OXR1: variants seen among roughly 807,000 people sequenced by gnomAD.
The protein encoded by OXR1 is oxidation resistance protein 1.
OXR1 carries 41 observed loss-of-function variants against 104.6 expected under a neutral mutation model. That is an observed-to-expected ratio of 0.39 (90% CI 0.31 to 0.51). The LOEUF (loss-of-function observed/expected upper bound fraction) is 0.51. Among genes scored for constraint, OXR1 ranks in the 20% least tolerant of loss-of-function variants. OXR1 has a pLI of 0.77. For synonymous variants in OXR1, 348 were observed against 348.4 expected (o/e 1.00, Z 0.01); for missense variants, 955 against 1,031.9 (o/e 0.93, Z 1.02).
At chr8:106,595,808 A>T (rs1282619614) in intron 3 of OXR1, among the ~76,000 whole-genome samples, 2 of 152,088 alleles carry the variant, frequency 1.3e-5, no homozygotes, top group Non-Finnish European at 2.9e-5. Context: ...AAATTCTCAA[A>T]ACTTGCTGAA....
chr8:106,677,967 G>A (rs1827771744), intron 3 of OXR1, among the ~76,000 whole-genome samples: 1 of 152,060 alleles, frequency 6.6e-6, no homozygotes, highest in South Asian at 2.1e-4. Context: ...CACTGAGGAG[G>A]CTTTGTGGAA....
At chr8:106,398,472 T>C (rs1817872564) in intron 2 of OXR1, among the ~76,000 whole-genome samples, 1 of 152,142 alleles carries the variant, frequency 6.6e-6, no homozygotes, top group South Asian at 2.1e-4. Flanking sequence ...AGTTGCCACA[T>C]GAGCATATTC....
intron 2 of OXR1, among the ~76,000 whole-genome samples, chr8:106,477,897 G>T (rs770993870): frequency 1.0e-3 from 158 of 151,752 alleles, no homozygotes; most frequent in Non-Finnish European, 1.5e-3. Context: ...GAAACTTAGG[G>T]CTCAATAAAT....
intron 2 of OXR1, among the ~76,000 whole-genome samples, chr8:106,379,537 C>CTT (rs60855438): frequency 0.098 from 10,573 of 108,338 alleles, 1,888 homozygotes; most frequent in African/African-American, 0.32. Context: ...TTCTTTCTTT[C>CTT]TTTTTTTTTT....
chr8:106,585,964 C>A (rs557096543), intron 3 of OXR1, among the ~76,000 whole-genome samples: 40 of 152,268 alleles, frequency 2.6e-4, no homozygotes, highest in African/African-American at 8.7e-4. Flanking sequence ...TATATGACAT[C>A]TTAGAAGCTT....
intron 3 of OXR1, among the ~76,000 whole-genome samples, chr8:106,640,138 C>T (rs1205688442): frequency 6.6e-6 from 1 of 152,010 alleles, no homozygotes; most frequent in Non-Finnish European, 1.5e-5. Flanking sequence ...TGTTAACAGC[C>T]TCAGAACTGA....
intron 7 of OXR1, among the ~76,000 whole-genome samples, chr8:106,696,646 G>T (rs1830059515): frequency 6.6e-6 from 1 of 152,160 alleles, no homozygotes; most frequent in Non-Finnish European, 1.5e-5. Context: ...TTAGACTTCA[G>T]CCGTTCTAAT....
chr8:106,374,021 C>T (rs1024290799), intron 2 of OXR1, among the ~76,000 whole-genome samples: 19 of 152,216 alleles, frequency 1.2e-4, no homozygotes, highest in Admixed American at 6.5e-4. Flanking sequence ...AGAAGTCACT[C>T]GTGTATCTCC....
intron 2 of OXR1, among the ~76,000 whole-genome samples, chr8:106,441,321 C>A (rs1160870104): frequency 6.6e-6 from 1 of 152,072 alleles, no homozygotes; most frequent in African/African-American, 2.4e-5. Flanking sequence ...GTTACTGTAG[C>A]CTTGTAGTAT....
chr8:106,635,272 C>A (rs1004931912), intron 3 of OXR1, among the ~76,000 whole-genome samples: 1 of 152,034 alleles, frequency 6.6e-6, no homozygotes, highest in Admixed American at 6.6e-5. Flanking sequence ...AGTGTTTTAT[C>A]AAAGAAAATA....
intron 3 of OXR1, among the ~76,000 whole-genome samples, chr8:106,577,547 G>A (rs1248942488): frequency 4.6e-5 from 7 of 151,644 alleles, no homozygotes; most frequent in South Asian, 2.1e-4. Context: ...CCGCCACCAC[G>A]CCCGGCTAAT....
At chr8:106,721,828 G>A (rs1357289424) in intron 11 of OXR1, among the ~76,000 whole-genome samples, 1 of 152,110 alleles carries the variant, frequency 6.6e-6, no homozygotes, top group Admixed American at 6.5e-5. Flanking sequence ...TGTAAAATAT[G>A]TAACCCGTTC....
At chr8:106,540,642 A>T (rs754437525) in intron 3 of OXR1, among the ~76,000 whole-genome samples, 38 of 152,198 alleles carry the variant, frequency 2.5e-4, no homozygotes, top group Non-Finnish European at 1.5e-5. Flanking sequence ...TAATAAAGAC[A>T]TACTGGAGAC....
chr8:106,638,387 C>T (rs1409330498), intron 3 of OXR1, among the ~76,000 whole-genome samples: 2 of 152,066 alleles, frequency 1.3e-5, no homozygotes, highest in African/African-American at 4.8e-5. Flanking sequence ...TTTTTTAGTA[C>T]TTTTCTTCTA....
At chr8:106,540,915 G>T (rs574986098) in intron 3 of OXR1, among the ~76,000 whole-genome samples, 1 of 152,158 alleles carries the variant, frequency 6.6e-6, no homozygotes, top group Non-Finnish European at 1.5e-5. Context: ...TTCTTTCCAT[G>T]ACACAGTGGG....
At chr8:106,718,962 C>G (rs1832573989) in intron 11 of OXR1, among the ~76,000 whole-genome samples, 1 of 152,040 alleles carries the variant, frequency 6.6e-6, no homozygotes, top group Non-Finnish European at 1.5e-5. Context: ...CATAGTGAAC[C>G]AAACTTATGT....
chr8:106,277,075 C>G (rs912612216), intron 1 of OXR1, among the ~76,000 whole-genome samples: 1 of 152,084 alleles, frequency 6.6e-6, no homozygotes, highest in Admixed American at 6.5e-5. Context: ...CAATAAAAAT[C>G]TGAAAACCTG....
At chr8:106,367,155 G>A (rs898986521) in intron 2 of OXR1, among the ~76,000 whole-genome samples, 29 of 151,116 alleles carry the variant, frequency 1.9e-4, no homozygotes, top group African/African-American at 5.8e-4. Flanking sequence ...CTCGCCTCCC[G>A]GGTTCAAGGG....
intron 10 of OXR1, among the ~76,000 whole-genome samples, chr8:106,712,000 C>G (rs946738238): frequency 2.2e-4 from 34 of 151,958 alleles, no homozygotes; most frequent in Non-Finnish European, 3.8e-4. Context: ...ATAGATAGAC[C>G]TTTCCTATAT....
Sources: allele counts gnomAD v4.1 joint callset (sites outside exome capture counted in the v4.1 genomes callset), GRCh38; gene constraint gnomAD v4.1.1; transcripts MANE v1.5; gene names NCBI Gene and HGNC (gene_info 2026-07-23, HGNC 2026-07-21).